The following RSRC1 variants were observed in gnomAD, a reference collection of about 807,000 sequenced individuals.
RSRC1 encodes arginine and serine rich coiled-coil 1.
In RSRC1, 39 loss-of-function variants were observed where a neutral mutation model predicts 49.1. That is an observed-to-expected ratio of 0.79 (90% CI 0.61 to 1.04). The LOEUF (loss-of-function observed/expected upper bound fraction) is 1.04, where lower values mean the gene tolerates loss of function less well. RSRC1 is among the 50% of genes least tolerant of loss of function. The pLI is 0.00. For missense variants in RSRC1, 388 were observed against 402.4 expected, an observed-to-expected ratio of 0.96 and a Z score of 0.31; for synonymous variants, 143 against 130.8, an observed-to-expected ratio of 1.09 and a Z score of -0.63.
chr3:158,212,930 C>G (rs1188876322), intron 4 of RSRC1, among the ~76,000 whole-genome samples: 1 of 151,712 alleles, frequency 6.6e-6, no homozygotes, highest in Non-Finnish European at 1.5e-5. Context: ...TTTTAAAATT[C>G]GAGTTTATTC....
chr3:158,469,466 T>C, intron 7 of RSRC1: 1 of 386,722 alleles, frequency 2.6e-6, no homozygotes, highest in Non-Finnish European at 5.0e-6. Context: ...CCATGCAAAG[T>C]CTTATACTAT....
At chr3:158,116,942 CTTCTT>C (rs1207863504) in intron 1 of RSRC1, among the ~76,000 whole-genome samples, 3 of 152,134 alleles carry the variant, frequency 2.0e-5, no homozygotes, top group Admixed American at 1.3e-4. Flanking sequence ...TTGTGATACT[CTTCTT>C]TTCATGGAGC....
At chr3:158,461,306 G>C (rs981242174) in intron 7 of RSRC1, among the ~76,000 whole-genome samples, 1 of 151,866 alleles carries the variant, frequency 6.6e-6, no homozygotes, top group Admixed American at 6.6e-5. Flanking sequence ...ATCAGTCACA[G>C]AAATAGATTG....
intron 6 of RSRC1, among the ~76,000 whole-genome samples, chr3:158,453,551 T>C (rs1737163030): frequency 6.6e-6 from 1 of 151,878 alleles, no homozygotes; most frequent in African/African-American, 2.4e-5. Flanking sequence ...TGGCTAATTT[T>C]AAAATATTTT....
intron 3 of RSRC1, among the ~76,000 whole-genome samples, chr3:158,193,609 A>T (rs531944875): frequency 6.6e-6 from 1 of 152,242 alleles, no homozygotes; most frequent in African/African-American, 2.4e-5. Flanking sequence ...GTTATCACAA[A>T]AAAGGCTGCC....
At chr3:158,332,858 A>C (rs1202407891) in intron 5 of RSRC1, among the ~76,000 whole-genome samples, 3 of 151,990 alleles carry the variant, frequency 2.0e-5, no homozygotes, top group Non-Finnish European at 4.4e-5. Flanking sequence ...GCATTTCTGC[A>C]TGTTACTAAA....
chr3:158,130,010 C>T (rs1001443471), intron 3 of RSRC1, among the ~76,000 whole-genome samples: 2 of 152,184 alleles, frequency 1.3e-5, no homozygotes, highest in Non-Finnish European at 2.9e-5. Flanking sequence ...TGACAAGATA[C>T]TGTGTGACTT....
chr3:158,238,905 G>T (rs922206230), intron 4 of RSRC1, among the ~76,000 whole-genome samples: 2 of 152,084 alleles, frequency 1.3e-5, no homozygotes, highest in Non-Finnish European at 2.9e-5. Context: ...CACAGCAAAA[G>T]AAACTACCAT....
At chr3:158,526,674 A>G (rs767763152) in intron 7 of RSRC1, among the ~76,000 whole-genome samples, 7 of 151,960 alleles carry the variant, frequency 4.6e-5, no homozygotes, top group Non-Finnish European at 1.0e-4. Flanking sequence ...CAGTGTTTTT[A>G]TTGGCTCTGT....
intron 5 of RSRC1, among the ~76,000 whole-genome samples, chr3:158,320,357 T>C (rs1728692353): frequency 6.6e-6 from 1 of 152,226 alleles, no homozygotes; most frequent in African/African-American, 2.4e-5. Context: ...TGAATACTTG[T>C]TACATGTAAT....
intron 7 of RSRC1, among the ~76,000 whole-genome samples, chr3:158,522,029 TATTG>T (rs1422849153): frequency 6.6e-6 from 1 of 152,116 alleles, no homozygotes; most frequent in Non-Finnish European, 1.5e-5. Flanking sequence ...GTAGGATCGT[TATTG>T]ATTGAGATTT....
chr3:158,528,902 T>C (rs370624011), intron 7 of RSRC1, among the ~76,000 whole-genome samples: 4 of 152,068 alleles, frequency 2.6e-5, no homozygotes. Context: ...TGGTTGTTGG[T>C]TTAACCAAAT....
At chr3:158,209,813 G>A (rs1276882788) in intron 4 of RSRC1, among the ~76,000 whole-genome samples, 2 of 151,990 alleles carry the variant, frequency 1.3e-5, no homozygotes, top group Non-Finnish European at 2.9e-5. Flanking sequence ...TATAATATGG[G>A]GATGGTGGTA....
intron 8 of RSRC1, among the ~76,000 whole-genome samples, chr3:158,540,226 G>T (rs1479497265): frequency 6.6e-6 from 1 of 152,068 alleles, no homozygotes; most frequent in Non-Finnish European, 1.5e-5. Flanking sequence ...GTGTGTTGGA[G>T]ACATACAAAT....
intron 6 of RSRC1, among the ~76,000 whole-genome samples, chr3:158,452,671 A>C (rs1279631344): frequency 6.6e-6 from 1 of 152,212 alleles, no homozygotes; most frequent in Admixed American, 6.5e-5. Flanking sequence ...ATAAGCAAAA[A>C]TACATTTTGC....
intron 5 of RSRC1, among the ~76,000 whole-genome samples, chr3:158,349,338 AT>A (rs1730734380): frequency 6.6e-6 from 1 of 151,704 alleles, no homozygotes; most frequent in African/African-American, 2.4e-5. Context: ...AATGTTGAGC[AT>A]TTTTTTCATG....
At chr3:158,201,305 T>C (rs1721033425) in intron 3 of RSRC1, among the ~76,000 whole-genome samples, 1 of 152,162 alleles carries the variant, frequency 6.6e-6, no homozygotes, top group South Asian at 2.1e-4. Flanking sequence ...CTTTAGTTTT[T>C]ATCAATTTGA....
At chr3:158,318,917 T>C (rs1290065582) in intron 5 of RSRC1, among the ~76,000 whole-genome samples, 1 of 152,166 alleles carries the variant, frequency 6.6e-6, no homozygotes, top group Non-Finnish European at 1.5e-5. Flanking sequence ...TAAATAAGAT[T>C]TGAAGTGGAG....
intron 4 of RSRC1, among the ~76,000 whole-genome samples, chr3:158,294,709 T>TA (rs908346988): frequency 1.2e-4 from 18 of 151,828 alleles, no homozygotes; most frequent in East Asian, 7.8e-4. Flanking sequence ...TCAAAAACAG[T>TA]AAAAAAAATA....
Sources: gnomAD v4.1 joint callset for allele counts (sites outside exome capture counted in the v4.1 genomes callset) on GRCh38, gnomAD v4.1.1 for gene constraint, MANE v1.5 for transcripts, NCBI Gene and HGNC (gene_info 2026-07-23, HGNC 2026-07-21) for gene names.